The following MYH7 variants were observed in gnomAD, a reference collection of about 807,000 sequenced individuals.
The protein encoded by MYH7 is myosin-7.
In MYH7, 129 loss-of-function variants were observed where a neutral mutation model predicts 225.4. The observed-to-expected ratio is 0.57, with a 90% CI of 0.50 to 0.66. MYH7 has a LOEUF of 0.66. MYH7 is among the 30% of genes least tolerant of loss of function. MYH7 has a pLI of 0.00. For missense variants in MYH7, 1,649 were observed against 2,517.0 expected, an observed-to-expected ratio of 0.66 and a Z score of 7.38; for synonymous variants, 971 against 1,007.6, an observed-to-expected ratio of 0.96 and a Z score of 0.69.
rs1484300349 is a variant in MYH7, at chr14:23,429,058, A to T, written c.1304T>A (p.Met435Lys). The T allele has an allele frequency of 6.2e-7, 1 of 1,614,174 alleles. No individual in the cohort carries two copies. Among genetic ancestry groups the T allele is most frequent in the East Asian group, 2.2e-5 (1 of 44,866 alleles). Residue 435 changes from methionine to lysine, a missense_variant, in exon 14 of 40, where the codon ATG becomes AAG. By Grantham distance (95) the Met-to-Lys change is moderately conservative. Around this residue, in one of 12 missense-constraint regions of MYH7, gnomAD observed 76 missense variants for 233.8 expected, o/e 0.33. Transcript: ENST00000355349. The stretch of plus-strand genomic sequence containing the variant: ...GATGCGCGTCACCATCCAGTTGAAC[A>T]TCCTCTCATACACTGCCTTGGCCAG... ...GALAKAVYER[M>K]FNWMVTRINA...
intron 32 of MYH7, 37 bp downstream of exon 32, chr14:23,417,116 T>C: frequency 1.2e-6 from 2 of 1,614,154 alleles, no homozygotes; most frequent in African/African-American, 1.3e-5. Context: ...ACACTGCCAG[T>C]GCAGCCCCTC....
At chr14:23,431,092 G>T in intron 9 of MYH7, 93 bp from the exon 10 acceptor site, 2 of 938,608 alleles carry the variant, frequency 2.1e-6, no homozygotes, top group East Asian at 2.4e-5. Context: ...AAAAGGCAGA[G>T]GGAAGGGAAG....
rs730880785 is a variant in MYH7, at chr14:23,419,266, C to T, written c.3883G>A (p.Glu1295Lys). 5 of 1,614,218 alleles carry T rather than the reference C, an allele frequency of 3.1e-6. No homozygotes were observed. In the Admixed American group the frequency reaches 8.3e-5, roughly 27 times the overall value. The change falls in exon 29 of 40, where the codon GAG becomes AAG. Residue 1295 changes from glutamate (E) to lysine (K), a missense_variant. By Grantham distance (56) the Glu-to-Lys change is moderately conservative. This residue lies in a region of MYH7 where 687 missense variants were observed against 913.8 expected (regional missense o/e 0.75). Coordinates refer to ENST00000355349, the MANE Select transcript of MYH7 (RefSeq NM_000257.4). ...GELSRQLDEK[E>K]ALISQLTRGK... The stretch of plus-strand genomic sequence containing the variant: ...CGGGTCAGCTGGGAGATCAGTGCCT[C>T]CTTCTCATCCAGCTGCCGGGACAGC...
intron 26 of MYH7, 91 bp downstream of exon 26, chr14:23,420,867 A>T: frequency 1.1e-6 from 1 of 948,498 alleles, no homozygotes; most frequent in Non-Finnish European, 1.7e-6. Flanking sequence ...CAGTTCCTGT[A>T]ATGCTGTGAA....
Position 23,431,800 on chromosome 14 carries a change from G to A in MYH7, c.600C>T (p.Ala200=). The change falls in exon 7 of 40, where the codon GCC becomes GCT. Residue 200 remains alanine (A), a synonymous_variant. Transcript: ENST00000355349. The part of the protein sequence containing the change: ...RVIQYFAVIA[A]IGDRSKKDQS... ...GGTCCTTCTTGCTGCGGTCCCCAAT[G>A]GCTGCAATAACAGCAAAGTACTGGA... The A allele has an allele frequency of 6.2e-7, 1 of 1,614,254 alleles. No homozygotes were observed. The highest frequency in any genetic ancestry group is 8.5e-7 in the Non-Finnish European group (1 of 1,180,042).
rs991485633 is a variant in MYH7, at chr14:23,422,300, T to C, written c.3125A>G (p.Lys1042Arg). 3.7e-6 allele frequency: 6 copies of C among 1,614,050 alleles called. No individual in the cohort carries two copies. The African/African-American group carries it at 8.0e-5, about 22-fold the overall frequency. Residue 1042 changes from lysine to arginine, a missense_variant, in exon 25 of 40, where the codon AAG becomes AGG. Around this residue, in one of 12 missense-constraint regions of MYH7, gnomAD observed 282 missense variants for 315.3 expected, o/e 0.89. Transcript: ENST00000355349. ...DDLEGSLEQEKKVRMDLERAK... is the reference protein window; with the variant it reads ...DDLEGSLEQERKVRMDLERAK... ...TCGCTCCAGGTCCATGCGCACCTTC[T>C]TCTCTTGCTCCAGGGATCCTTCCAG...
intron 9 of MYH7, among the ~76,000 whole-genome samples, 165 bp from the exon 10 acceptor site, chr14:23,431,164 CAGA>C (rs1468915866): frequency 1.3e-5 from 2 of 152,176 alleles, no homozygotes; most frequent in East Asian, 3.9e-4. Context: ...AACAGAGACC[CAGA>C]AGGAGAGAAA....
chr14:23,415,442 AC>A lies in MYH7; in HGVS notation c.5221del (p.Val1741TrpfsTer24), dbSNP rs1440353909. 6.8e-6 allele frequency: 11 copies of A among 1,613,728 alleles called. No homozygotes were observed. Among genetic ancestry groups the A allele is most frequent in the Non-Finnish European group, 8.5e-6 (10 of 1,179,968 alleles). The part of the protein sequence containing the change: ...DADLSQLQTE[V>X]EEAVQECRNA... ...CCTGCACTCCTGCACTGCCTCCTCC[AC>A]TTCAGTCTGGAGCTGGGACAGGTCA... On this transcript the variant is annotated frameshift_variant, in exon 36 of 40. Transcript: ENST00000355349. LOFTEE classifies it high-confidence loss of function. The surrounding 1 kb of genome is among the most constrained non-coding windows in gnomAD (Gnocchi z 6.3).
In MYH7 at chr14:23,412,950, G is replaced by A; in HGVS notation, c.5791-79C>T. On this transcript the variant is annotated intron_variant, in intron 39 of 39. Coordinates refer to ENST00000355349, the MANE Select transcript of MYH7 (RefSeq NM_000257.4). Reference sequence around the variant, plus strand: ...GGACAGGGCATGGGAACAAAGGTGAGAGGGGTCTGATGGTGGGGGGCCTGC... The same window carrying A: ...GGACAGGGCATGGGAACAAAGGTGAAAGGGGTCTGATGGTGGGGGGCCTGC... 3 of 1,459,754 alleles carry A rather than the reference G, an allele frequency of 2.1e-6. No individual in the cohort carries two copies. The East Asian group carries it at 6.8e-5, about 33-fold the overall frequency. The allele number at this position is 1,459,754 out of a possible 1,614,324, so 90.4% of individuals were successfully genotyped here.
At chr14:23,428,930 C>A (rs749762852) in intron 14 of MYH7, 25 bp downstream of exon 14, 32 of 1,614,052 alleles carry the variant, frequency 2.0e-5, no homozygotes, top group Middle Eastern at 1.7e-4. Context: ...TGATTGTTCT[C>A]CCACTCCCAG....
intron 1 of MYH7, among the ~76,000 whole-genome samples, chr14:23,435,327 A>G (rs1209358140): frequency 3.3e-5 from 5 of 151,972 alleles, no homozygotes; most frequent in Non-Finnish European, 5.9e-5. Flanking sequence ...TCAGTGAGGT[A>G]CATACCCTTT....
chr14:23,430,686 G>A, intron 10 of MYH7, 23 bp from the exon 11 acceptor site: 1 of 1,596,200 alleles, frequency 6.3e-7, no homozygotes, highest in Non-Finnish European at 8.6e-7. Context: ...ACATGGTTAG[G>A]GTGGGACACA....
intron 33 of MYH7, 25 bp from the exon 34 acceptor site, chr14:23,416,337 T>C (rs779213919): frequency 6.2e-7 from 1 of 1,609,042 alleles, no homozygotes; most frequent in Non-Finnish European, 8.5e-7. Flanking sequence ...GGGGAGGGGA[T>C]GCAGGCAGAC....
At position 23,429,966 on chromosome 14, in the gene MYH7, A is replaced by G. The variant is rs879138339; in HGVS notation, c.1000-53T>C. ...CCCAGAAAAAGAAGTATGATGGGTA[A>G]GTGAGATCCCTTGTAAGTTGGAGAG... On this transcript the variant is annotated intron_variant, in intron 11 of 39. Transcript: ENST00000355349. 3 of 1,606,132 alleles carry G rather than the reference A, an allele frequency of 1.9e-6. No homozygotes were observed. The South Asian group carries it at 3.3e-5, about 18-fold the overall frequency.
intron 15 of MYH7, 130 bp from the exon 16 acceptor site, chr14:23,428,024 A>G (rs369790663): frequency 2.6e-6 from 3 of 1,149,930 alleles, no homozygotes. Context: ...AGCTCTGAGT[A>G]CAGTTATCTA....
chr14:23,426,097 A>G lies in MYH7; in HGVS notation c.2045-16T>C. 1.2e-6 allele frequency: 2 copies of G among 1,613,870 alleles called. No homozygotes were observed. Among genetic ancestry groups the G allele is most frequent in the Non-Finnish European group, 1.7e-6 (2 of 1,179,848 alleles). On this transcript the variant is annotated splice_polypyrimidine_tract_variant and intron_variant, in intron 18 of 39. Coordinates refer to ENST00000355349, the MANE Select transcript of MYH7 (RefSeq NM_000257.4). Reference sequence around the variant, plus strand: ...TCCATCACCCCTGTGGCAAGAAGGAAGTAGGAGGAGTCTGTGAGAACACTG... The same window carrying G: ...TCCATCACCCCTGTGGCAAGAAGGAGGTAGGAGGAGTCTGTGAGAACACTG...
At chr14:23,422,647 T>A (rs2138660225) in intron 24 of MYH7, among the ~76,000 whole-genome samples, 1 of 148,486 alleles carries the variant, frequency 6.7e-6, no homozygotes, top group East Asian at 2.0e-4. Flanking sequence ...TTTTTTTTTT[T>A]TTTTTATGGA....
intron 25 of MYH7, among the ~76,000 whole-genome samples, chr14:23,421,580 A>G (rs1277571011): frequency 6.6e-6 from 1 of 152,244 alleles, no homozygotes; most frequent in Non-Finnish European, 1.5e-5. Flanking sequence ...GAGGATGTAG[A>G]TTATGATGAT....
At chr14:23,417,430 G>A (rs143650929) in intron 31 of MYH7, 73 bp downstream of exon 31, 1 of 1,611,824 alleles carries the variant, frequency 6.2e-7, no homozygotes, top group East Asian at 2.2e-5. Context: ...AAGGAGGATG[G>A]CTCTGGCCTC....
Sources: allele counts gnomAD v4.1 joint callset (sites outside exome capture counted in the v4.1 genomes callset), GRCh38; gene constraint gnomAD v4.1.1; regional missense constraint gnomAD v4.1.1; non-coding constraint Gnocchi (gnomAD v3.1); transcripts MANE v1.5; gene names NCBI Gene and HGNC (gene_info 2026-07-23, HGNC 2026-07-21).